PIK3CA: variants seen among roughly 807,000 people sequenced by gnomAD.
PIK3CA encodes phosphatidylinositol 4,5-bisphosphate 3-kinase catalytic subunit alpha isoform.
In PIK3CA, 27 loss-of-function variants were observed where a neutral mutation model predicts 138.2. That is an observed-to-expected ratio of 0.20 (90% CI 0.14 to 0.27). The LOEUF (loss-of-function observed/expected upper bound fraction) is 0.27. PIK3CA is among the 10% of genes least tolerant of loss of function. PIK3CA has a pLI of 1.00. For synonymous variants in PIK3CA, 358 were observed against 413.2 expected (o/e 0.87, Z 1.62); for missense variants, 544 against 1,277.4 (o/e 0.43, Z 8.75).
chr3:179,179,412 CTG>C (rs1723785117), intron 1 of PIK3CA, among the ~76,000 whole-genome samples: 1 of 152,172 alleles, frequency 6.6e-6, no homozygotes, highest in African/African-American at 2.4e-5. Context: ...AGAGTATACA[CTG>C]TGATTCAATT....
chr3:179,158,497 C>CT (rs1723194662), intron 1 of PIK3CA, among the ~76,000 whole-genome samples: 1 of 151,982 alleles, frequency 6.6e-6, no homozygotes, highest in Non-Finnish European at 1.5e-5. Flanking sequence ...CCTGTCTTGT[C>CT]TTTTTTTCAT....
intron 4 of PIK3CA, 56 bp downstream of exon 4, chr3:179,201,596 G>A (rs2108390386): frequency 1.8e-6 from 2 of 1,122,902 alleles, no homozygotes; most frequent in Non-Finnish European, 2.5e-6. Context: ...TCACATTGAG[G>A]ATGAGTATCT....
chr3:179,211,423 C>T lies in PIK3CA; in HGVS notation c.1539+858C>T, dbSNP rs193057879. On this transcript the variant is annotated intron_variant, in intron 9 of 20. Coordinates refer to ENST00000263967, the MANE Select transcript of PIK3CA (RefSeq NM_006218.4). ...CAGTGGCTCATGCCTGTAATCCCAG[C>T]ACTTTGGGAGGCCGAAGCGGGTGAA... Among the ~76,000 whole-genome samples the T allele has an allele frequency of 1.5e-3, 236 of 152,282 alleles. 2 individuals are homozygous for T. The South Asian group carries it at 0.021, about 14-fold the overall frequency.
At chr3:179,168,436 C>G (rs1267352523) in intron 1 of PIK3CA, among the ~76,000 whole-genome samples, 2 of 152,110 alleles carry the variant, frequency 1.3e-5, no homozygotes, top group Non-Finnish European at 2.9e-5. Context: ...AAGCTTTTAT[C>G]TCTATCTTTT....
At chr3:179,184,116 T>G (rs1296975189) in intron 1 of PIK3CA, among the ~76,000 whole-genome samples, 1 of 152,192 alleles carries the variant, frequency 6.6e-6, no homozygotes, top group East Asian at 1.9e-4. Context: ...TCAAGAAGTA[T>G]TCCATATTTT....
At chr3:179,174,918 A>G (rs375635645) in intron 1 of PIK3CA, among the ~76,000 whole-genome samples, 2 of 152,172 alleles carry the variant, frequency 1.3e-5, no homozygotes, top group East Asian at 1.9e-4. Flanking sequence ...GCTTCAATCC[A>G]TCTTTGCAAT....
intron 1 of PIK3CA, among the ~76,000 whole-genome samples, chr3:179,189,781 A>G (rs890977934): frequency 6.6e-6 from 1 of 152,232 alleles, no homozygotes; most frequent in Non-Finnish European, 1.5e-5. Context: ...TTTTTTGCAT[A>G]CTAGTGATGA....
chr3:179,178,119 G>GT (rs79518577), intron 1 of PIK3CA, among the ~76,000 whole-genome samples: 146 of 128,828 alleles, frequency 1.1e-3, no homozygotes, highest in East Asian at 5.0e-3. Context: ...TTTTTTTTGT[G>GT]TTTTTTTTTT....
At chr3:179,170,076 G>GCGCACACA (rs1553815527) in intron 1 of PIK3CA, among the ~76,000 whole-genome samples, 42 of 139,292 alleles carry the variant, frequency 3.0e-4, no homozygotes, top group Admixed American at 7.6e-4. Context: ...ACGCGCGCGC[G>GCGCACACA]CACACACACA....
intron 9 of PIK3CA, 143 bp downstream of exon 9, chr3:179,210,708 C>T (rs1724689146): frequency 1.4e-6 from 1 of 735,906 alleles, no homozygotes; most frequent in Non-Finnish European, 2.2e-6. Flanking sequence ...GAATTAAGTT[C>T]TCTATATGCT....
chr3:179,164,294 G>A lies in PIK3CA; in HGVS notation c.-77+15691G>A, dbSNP rs896310926. On this transcript the variant is annotated intron_variant, in intron 1 of 20. Coordinates refer to ENST00000263967, the MANE Select transcript of PIK3CA (RefSeq NM_006218.4). ...TTCATCTGTGCACCGCTATATTTCC[G>A]ATACTTACAGAGCACAATCCCAGGC... Among the ~76,000 whole-genome samples, 6 of 152,148 alleles carry A rather than the reference G, an allele frequency of 3.9e-5. No homozygotes were observed. The South Asian group carries it at 1.0e-3, about 26-fold the overall frequency.
chr3:179,221,078 A>G lies in PIK3CA; in HGVS notation c.2108A>G (p.Asn703Ser). The G allele has an allele frequency of 6.2e-7, 1 of 1,613,130 alleles. No homozygotes were observed. The highest frequency in any genetic ancestry group is 8.5e-7 in the Non-Finnish European group (1 of 1,179,248). ...TGTGGGATGTATTTGAAGCACCTGA[A>G]TAGGCAAGTCGAGGCAATGGAAAAG... is the stretch of plus-strand genomic sequence containing the variant. ...RACGMYLKHL[N>S]RQVEAMEKLI... Residue 703 changes from asparagine to serine, a missense_variant, in exon 14 of 21, where the codon AAT becomes AGT. Asn to Ser is a conservative substitution (Grantham distance 46). This residue lies in a region of PIK3CA where 22 missense variants were observed against 107.9 expected (regional missense o/e 0.20). Coordinates refer to ENST00000263967, the MANE Select transcript of PIK3CA (RefSeq NM_006218.4).
chr3:179,164,288 A>G (rs1723359128), intron 1 of PIK3CA, among the ~76,000 whole-genome samples: 1 of 152,186 alleles, frequency 6.6e-6, no homozygotes, highest in Non-Finnish European at 1.5e-5. Context: ...GCACCGCTAT[A>G]TTTCCGATAC....
chr3:179,212,900 T>C (rs1258327719), intron 9 of PIK3CA, among the ~76,000 whole-genome samples: 1 of 152,242 alleles, frequency 6.6e-6, no homozygotes, highest in Non-Finnish European at 1.5e-5. Context: ...GTTAATCAAC[T>C]GTTTATATTT....
intron 4 of PIK3CA, among the ~76,000 whole-genome samples, chr3:179,201,912 C>G (rs1235953945): frequency 4.6e-5 from 7 of 151,666 alleles, no homozygotes; most frequent in Non-Finnish European, 7.4e-5. Context: ...AGCCAAGTAT[C>G]TATTTTTAGG....
chr3:179,150,879 C>A lies in PIK3CA; in HGVS notation c.-77+2276C>A, dbSNP rs150919719. On this transcript the variant is annotated intron_variant, in intron 1 of 20. Transcript: ENST00000263967. ...CTGAATAAAGAGTTTTAAACAGTTA[C>A]GATTACCATTTAAAGGGCACTTGCT... is the stretch of plus-strand genomic sequence containing the variant. 3.6e-4 allele frequency among the ~76,000 whole-genome samples: 55 copies of A among 152,290 alleles called. No individual in the cohort carries two copies. In the East Asian group the frequency reaches 8.5e-3, roughly 23 times the overall value.
chr3:179,160,689 A>G (rs190518219), intron 1 of PIK3CA, among the ~76,000 whole-genome samples: 124 of 152,258 alleles, frequency 8.1e-4, no homozygotes, highest in Admixed American at 2.7e-3. Context: ...ATATAGTTCT[A>G]TTGTTTTAGA....
chr3:179,182,282 A>G (rs1335971083), intron 1 of PIK3CA, among the ~76,000 whole-genome samples: 1 of 152,216 alleles, frequency 6.6e-6, no homozygotes. Context: ...ATAAAGAAGC[A>G]TTTTAATGTA....
At chr3:179,212,292 G>A (rs1724733654) in intron 9 of PIK3CA, among the ~76,000 whole-genome samples, 1 of 148,372 alleles carries the variant, frequency 6.7e-6, no homozygotes, top group Non-Finnish European at 1.5e-5. Context: ...ACAGGCGTGA[G>A]CCACCGCGCC....
Sources: allele counts gnomAD v4.1 joint callset (sites outside exome capture counted in the v4.1 genomes callset), GRCh38; gene constraint gnomAD v4.1.1; regional missense constraint gnomAD v4.1.1; transcripts MANE v1.5; gene names NCBI Gene and HGNC (gene_info 2026-07-23, HGNC 2026-07-21).